Variants in CNTNAP5 observed in about 807,000 individuals in gnomAD.
CNTNAP5 encodes contactin associated protein family member 5.
CNTNAP5 carries 72 observed loss-of-function variants against 150.2 expected under a neutral mutation model. The ratio of observed to expected loss-of-function variants is 0.48; its 90% CI spans 0.40 to 0.58. The LOEUF is 0.58. CNTNAP5 is among the 20% of genes least tolerant of loss of function. The probability of loss-of-function intolerance (pLI) is 0.00; values close to 1 mark genes in which losing one functional copy is unlikely to be tolerated. For missense variants in CNTNAP5, 1,636 were observed against 1,626.2 expected (o/e 1.01, Z -0.10); for synonymous variants, 672 against 619.8 (o/e 1.08, Z -1.25).
At chr2:124,414,045 C>T (rs527354297) in intron 3 of CNTNAP5, among the ~76,000 whole-genome samples, 6 of 151,124 alleles carry the variant, frequency 4.0e-5, no homozygotes, top group South Asian at 4.2e-4. Flanking sequence ...TTTTGGGGTA[C>T]CATTTCCTGA....
chr2:124,909,326 A>G (rs1411270185), intron 22 of CNTNAP5, among the ~76,000 whole-genome samples: 1 of 152,184 alleles, frequency 6.6e-6, no homozygotes, highest in African/African-American at 2.4e-5. Flanking sequence ...GCAACATGCT[A>G]TACAGGCGTG....
intron 11 of CNTNAP5, among the ~76,000 whole-genome samples, chr2:124,594,772 T>G (rs1696783713): frequency 7.9e-6 from 1 of 127,086 alleles, no homozygotes; most frequent in African/African-American, 2.8e-5. Context: ...CCCATGAGCA[T>G]GGAATGTTCT....
chr2:124,695,271 T>C (rs553858372), intron 13 of CNTNAP5, among the ~76,000 whole-genome samples: 1 of 152,172 alleles, frequency 6.6e-6, no homozygotes, highest in Non-Finnish European at 1.5e-5. Context: ...GCAGTTACAA[T>C]AGATATAAAC....
chr2:124,510,305 A>ATCTATATC (rs55913869), intron 8 of CNTNAP5, among the ~76,000 whole-genome samples: 1 of 96,292 alleles, frequency 1.0e-5, no homozygotes, highest in Non-Finnish European at 2.0e-5. Flanking sequence ...ATATATCTAT[A>ATCTATATC]TATATATCTA....
chr2:124,334,251 G>C (rs1689418123), intron 3 of CNTNAP5, among the ~76,000 whole-genome samples: 1 of 152,090 alleles, frequency 6.6e-6, no homozygotes, highest in Admixed American at 6.6e-5. Flanking sequence ...TTTATCCACT[G>C]ACCACCAAAT....
chr2:124,308,536 G>C (rs1014116877), intron 3 of CNTNAP5, among the ~76,000 whole-genome samples: 9 of 152,126 alleles, frequency 5.9e-5, no homozygotes, highest in African/African-American at 2.2e-4. Context: ...AAGCAGAGAA[G>C]ATTTAAGCCA....
At chr2:124,860,549 C>A (rs1319595062) in intron 19 of CNTNAP5, among the ~76,000 whole-genome samples, 1 of 127,956 alleles carries the variant, frequency 7.8e-6, no homozygotes, top group African/African-American at 3.3e-5. Context: ...CCTTCCTTCT[C>A]TCCTTTCTTT....
chr2:124,776,128 C>T (rs1024529718), intron 17 of CNTNAP5, among the ~76,000 whole-genome samples: 13 of 152,092 alleles, frequency 8.5e-5, no homozygotes, highest in Non-Finnish European at 1.5e-4. Flanking sequence ...CCCATGTGTA[C>T]GTAACAGTAA....
intron 3 of CNTNAP5, among the ~76,000 whole-genome samples, chr2:124,336,445 A>G (rs1689470761): frequency 1.3e-5 from 2 of 151,688 alleles, no homozygotes. Context: ...ACATATATAT[A>G]CATGTGCCAT....
At chr2:124,186,574 C>G (rs1685337478) in intron 1 of CNTNAP5, among the ~76,000 whole-genome samples, 1 of 152,106 alleles carries the variant, frequency 6.6e-6, no homozygotes, top group Admixed American at 6.5e-5. Context: ...AGTATAACAT[C>G]AAATTTAATA....
At chr2:124,897,196 T>C (rs1678323757) in intron 21 of CNTNAP5, among the ~76,000 whole-genome samples, 1 of 151,552 alleles carries the variant, frequency 6.6e-6, no homozygotes, top group Admixed American at 6.6e-5. Context: ...ACCATAAATA[T>C]ACATGTTAGT....
At position 124,772,987 on chromosome 2, in the gene CNTNAP5, C is replaced by T. The variant is rs768209651; in HGVS notation, c.2722C>T (p.Arg908Ter). 9.9e-6 allele frequency: 16 copies of T among 1,613,254 alleles called. No individual in the cohort carries two copies. The highest frequency in any genetic ancestry group is 1.7e-5 in the Admixed American group (1 of 60,006). The part of the protein sequence containing the change: ...TRETSEEGHF[R>*]LQLNSQLFVG... ...GGAGACGTCGGAGGAGGGCCATTTT[C>T]GACTGCAGCTGAACAGCCAGTTGTT... The change falls in exon 17 of 24, where the codon CGA becomes TGA. Residue 908 changes from arginine to a stop codon, truncating the protein, a stop_gained. Transcript: ENST00000682447. LOFTEE classifies it high-confidence loss of function.
chr2:124,874,432 G>T (rs1490192505), intron 21 of CNTNAP5, among the ~76,000 whole-genome samples: 1 of 151,942 alleles, frequency 6.6e-6, no homozygotes, highest in South Asian at 2.1e-4. Context: ...GTTTAACTTG[G>T]CCCTGTCACA....
At chr2:124,646,950 G>A (rs1678214177) in intron 12 of CNTNAP5, among the ~76,000 whole-genome samples, 2 of 152,216 alleles carry the variant, frequency 1.3e-5, no homozygotes, top group Admixed American at 6.5e-5. Context: ...TCTAGCCAGG[G>A]CAACAGAGAG....
intron 21 of CNTNAP5, among the ~76,000 whole-genome samples, chr2:124,897,529 A>G (rs1678329947): frequency 6.6e-6 from 1 of 151,570 alleles, no homozygotes; most frequent in South Asian, 2.1e-4. Flanking sequence ...TTCCAGGCAG[A>G]GAGAATCATG....
In CNTNAP5 at chr2:124,300,415, G is replaced by C. The variant is rs145995522; in HGVS notation, c.381+58022G>C. Among the ~76,000 whole-genome samples the C allele has an allele frequency of 2.9e-3, 442 of 152,312 alleles. 2 individuals are homozygous for C. The highest frequency in any genetic ancestry group is 0.01 in the African/African-American group (417 of 41,580). Reference sequence around the variant, plus strand: ...TATAGGAAGGATCTGCTGGAGGAAGGGTGGTTTAAGCTGATGCATTTGGGA... The same window carrying C: ...TATAGGAAGGATCTGCTGGAGGAAGCGTGGTTTAAGCTGATGCATTTGGGA... On this transcript the variant is annotated intron_variant, in intron 3 of 23. Transcript: ENST00000682447.
At chr2:124,687,789 A>G (rs556386406) in intron 13 of CNTNAP5, among the ~76,000 whole-genome samples, 1 of 152,230 alleles carries the variant, frequency 6.6e-6, no homozygotes, top group Non-Finnish European at 1.5e-5. Flanking sequence ...CATTTGTAAT[A>G]TTAGTTACCA....
At chr2:124,349,066 C>A (rs1326749195) in intron 3 of CNTNAP5, among the ~76,000 whole-genome samples, 2 of 152,098 alleles carry the variant, frequency 1.3e-5, no homozygotes, top group Non-Finnish European at 2.9e-5. Context: ...AGAAGTGTTG[C>A]TTTGATTGGA....
In CNTNAP5 at chr2:124,663,808, G is replaced by A. The variant is rs570119312; in HGVS notation, c.2077+15850G>A. Among the ~76,000 whole-genome samples, 5 of 152,236 alleles carry A rather than the reference G, an allele frequency of 3.3e-5. No individual in the cohort carries two copies. The South Asian group carries it at 1.0e-3, about 32-fold the overall frequency. ...CAAGAGTCCATGATAATGACCCACA[G>A]CTATTTAAAATAGCAACATTCCACA... On this transcript the variant is annotated intron_variant, in intron 13 of 23. Coordinates refer to ENST00000682447, the MANE Select transcript of CNTNAP5 (RefSeq NM_001367498.1).
Sources: gnomAD v4.1 joint callset for allele counts (sites outside exome capture counted in the v4.1 genomes callset) on GRCh38, gnomAD v4.1.1 for gene constraint, MANE v1.5 for transcripts, NCBI Gene and HGNC (gene_info 2026-07-23, HGNC 2026-07-21) for gene names.